Variants in PPA2 observed in about 807,000 individuals in gnomAD.
PPA2 encodes inorganic pyrophosphatase 2, mitochondrial.
A neutral mutation model predicts 49.5 loss-of-function variants in PPA2; 48 were observed. The observed-to-expected ratio is 0.97, with a 90% CI of 0.77 to 1.23. PPA2 has a LOEUF of 1.23. Among genes scored for constraint, PPA2 ranks in the 50% most tolerant of loss-of-function variants. PPA2 has a pLI of 0.00. For synonymous variants in PPA2, 131 were observed against 139.9 expected, an observed-to-expected ratio of 0.94 and a Z score of 0.45; for missense variants, 429 against 410.1, an observed-to-expected ratio of 1.05 and a Z score of -0.40.
chr4:105,437,935 G>A lies in PPA2; in HGVS notation c.528+15C>T. On this transcript the variant is annotated intron_variant, in intron 6 of 11. Coordinates refer to ENST00000341695, the MANE Select transcript of PPA2 (RefSeq NM_176869.3). ...CAAAACTCACGTTAGAATTAATACAGTCTATAAAACAAACCTTTGAGCCTA... is the reference window on the plus strand; with the variant it reads ...CAAAACTCACGTTAGAATTAATACAATCTATAAAACAAACCTTTGAGCCTA... 5 of 1,577,754 alleles carry A rather than the reference G, an allele frequency of 3.2e-6. No individual in the cohort carries two copies. Among genetic ancestry groups the A allele is most frequent in the Non-Finnish European group, 4.3e-6 (5 of 1,165,194 alleles).
At chr4:105,427,916 A>G (rs1723601323) in intron 6 of PPA2, among the ~76,000 whole-genome samples, 1 of 152,186 alleles carries the variant, frequency 6.6e-6, no homozygotes, top group African/African-American at 2.4e-5. Context: ...CCAAGGTTGA[A>G]ATGAGGGAAA....
intron 1 of PPA2, among the ~76,000 whole-genome samples, chr4:105,468,862 T>A (rs1723412368): frequency 6.6e-6 from 1 of 152,208 alleles, no homozygotes; most frequent in South Asian, 2.1e-4. Flanking sequence ...AATCCCCCTG[T>A]GTTAAGTTCT....
chr4:105,372,976 C>A (rs547261508), intron 10 of PPA2, among the ~76,000 whole-genome samples: 1 of 152,208 alleles, frequency 6.6e-6, no homozygotes, highest in South Asian at 2.1e-4. Context: ...GATAGTGTAA[C>A]CATGTAAATA....
chr4:105,460,626 CTA>C (rs1287713067), intron 1 of PPA2, among the ~76,000 whole-genome samples: 11 of 152,108 alleles, frequency 7.2e-5, no homozygotes, highest in Non-Finnish European at 1.5e-4. Flanking sequence ...CATTTGGGAC[CTA>C]TCATTGTGAT....
chr4:105,473,885 G>C lies in PPA2; in HGVS notation c.157+9C>G, dbSNP rs1193788902. 6.9e-6 allele frequency: 11 copies of C among 1,592,466 alleles called. No individual in the cohort carries two copies. The Admixed American group carries it at 1.9e-4, about 28-fold the overall frequency. ...TGCGCCGCTCGGCGAACCTCCGGGA[G>C]CTACTTACTAAAGAAGAGGCGGTAA... On this transcript the variant is annotated intron_variant, in intron 1 of 11. Transcript: ENST00000341695.
At chr4:105,394,723 G>T (rs2713866) in intron 9 of PPA2, among the ~76,000 whole-genome samples, 37 of 152,036 alleles carry the variant, frequency 2.4e-4, no homozygotes, top group African/African-American at 3.9e-4. Flanking sequence ...GAAGGAATGA[G>T]TTCAAGCTAT....
intron 1 of PPA2, among the ~76,000 whole-genome samples, chr4:105,458,456 CA>C (rs559988898): frequency 2.0e-5 from 3 of 151,962 alleles, no homozygotes; most frequent in Non-Finnish European, 4.4e-5. Flanking sequence ...CAGCTTAACC[CA>C]ATCTAAAATT....
At chr4:105,439,017 A>G (rs1369728287) in intron 5 of PPA2, among the ~76,000 whole-genome samples, 3 of 152,154 alleles carry the variant, frequency 2.0e-5, no homozygotes, top group Admixed American at 2.0e-4. Context: ...TCTTAAAAAA[A>G]AAAATCAATA....
chr4:105,466,794 G>T (rs1227254954), intron 1 of PPA2, among the ~76,000 whole-genome samples: 1 of 152,196 alleles, frequency 6.6e-6, no homozygotes, highest in Non-Finnish European at 1.5e-5. Context: ...GGGGCAGGCT[G>T]TCTGCACACA....
intron 10 of PPA2, among the ~76,000 whole-genome samples, chr4:105,384,210 G>A (rs1733599469): frequency 6.6e-6 from 1 of 152,138 alleles, no homozygotes; most frequent in African/African-American, 2.4e-5. Context: ...GTTCCACTGA[G>A]CTAGTGAAGA....
In PPA2 at chr4:105,382,122, T is replaced by G. The variant is rs144790230; in HGVS notation, c.939+4445A>C. Among the ~76,000 whole-genome samples, 1,215 of 152,106 alleles carry G rather than the reference T, an allele frequency of 8.0e-3. 21 individuals carry two copies. Among genetic ancestry groups the G allele is most frequent in the African/African-American group, 0.027 (1,106 of 41,582 alleles). ...CTTCCAATTTTAAATATTTTAGTTT[T>G]AAATATAAATTATTTATATTTTTTG... is the stretch of plus-strand genomic sequence containing the variant. On this transcript the variant is annotated intron_variant, in intron 10 of 11. Transcript: ENST00000341695.
intron 1 of PPA2, among the ~76,000 whole-genome samples, chr4:105,463,063 G>C (rs1723158226): frequency 6.6e-6 from 1 of 152,210 alleles, no homozygotes; most frequent in African/African-American, 2.4e-5. Context: ...AGCAACTTTG[G>C]AACTGGATAA....
At chr4:105,423,667 T>C (rs940138946) in intron 7 of PPA2, among the ~76,000 whole-genome samples, 1 of 152,188 alleles carries the variant, frequency 6.6e-6, no homozygotes. Context: ...CCAAGCTATT[T>C]CCAGAACTTA....
intron 6 of PPA2, among the ~76,000 whole-genome samples, chr4:105,428,246 C>G (rs1292387296): frequency 6.6e-6 from 1 of 152,100 alleles, no homozygotes; most frequent in South Asian, 2.1e-4. Context: ...TGCAAAGACA[C>G]GCCAAATTGT....
At chr4:105,387,167 G>C (rs1733717066) in intron 9 of PPA2, among the ~76,000 whole-genome samples, 1 of 152,024 alleles carries the variant, frequency 6.6e-6, no homozygotes, top group Non-Finnish European at 1.5e-5. Context: ...CCCTGACTAG[G>C]GAAGCCTCCA....
intron 1 of PPA2, among the ~76,000 whole-genome samples, chr4:105,473,120 C>T (rs1723594460): frequency 6.6e-6 from 1 of 152,144 alleles, no homozygotes; most frequent in South Asian, 2.1e-4. Context: ...ACCGACATCG[C>T]TATTTTCTGT....
At chr4:105,461,992 T>A (rs1160480333) in intron 1 of PPA2, among the ~76,000 whole-genome samples, 3 of 152,218 alleles carry the variant, frequency 2.0e-5, no homozygotes, top group African/African-American at 7.2e-5. Context: ...GGGCCAATCA[T>A]GTTGATATGC....
intron 1 of PPA2, among the ~76,000 whole-genome samples, chr4:105,472,681 TGAA>T: frequency 6.6e-6 from 1 of 152,292 alleles, no homozygotes; most frequent in African/African-American, 2.4e-5. Context: ...CAACCAATTT[TGAA>T]GAAAATAGAA....
At chr4:105,391,140 A>C (rs868623032) in intron 9 of PPA2, among the ~76,000 whole-genome samples, 1 of 152,062 alleles carries the variant, frequency 6.6e-6, no homozygotes, top group South Asian at 2.1e-4. Flanking sequence ...AACAATCAGA[A>C]CACATGGACA....
Sources: allele counts gnomAD v4.1 joint callset (sites outside exome capture counted in the v4.1 genomes callset), GRCh38; gene constraint gnomAD v4.1.1; transcripts MANE v1.5; gene names NCBI Gene and HGNC (gene_info 2026-07-23, HGNC 2026-07-21).